Variants in TRAPPC9 observed in about 807,000 individuals in gnomAD.
The protein encoded by TRAPPC9 is trafficking protein particle complex subunit 9.
TRAPPC9 carries 83 observed loss-of-function variants against 124.0 expected under a neutral mutation model. The ratio of observed to expected loss-of-function variants is 0.67; its 90% CI spans 0.56 to 0.80. TRAPPC9 has a LOEUF of 0.80. Among genes scored for constraint, TRAPPC9 ranks in the 30% least tolerant of loss-of-function variants. The pLI is 0.00. For missense variants in TRAPPC9, 1,302 were observed against 1,508.3 expected (o/e 0.86, Z 2.27); for synonymous variants, 638 against 617.5 (o/e 1.03, Z -0.49).
Position 140,157,105 on chromosome 8 carries a change from C to CT in TRAPPC9, c.2556+64353dup, listed in dbSNP as rs751130350. On this transcript the variant is annotated intron_variant, in intron 17 of 22. Coordinates refer to ENST00000438773, the MANE Select transcript of TRAPPC9 (RefSeq NM_001160372.4). ...CTCCCTTTTCCATTCAGAAGCCTCC[C>CT]TTTCCATTCAGAAGCCTCCCTTTTC... 1.1e-3 allele frequency among the ~76,000 whole-genome samples: 102 copies of CT among 91,138 alleles called. 2 individuals carry two copies. Among genetic ancestry groups the CT allele is most frequent in the Middle Eastern group, 0.012 (2 of 162 alleles). 59.8% of individuals were successfully genotyped at this position (91,138 alleles called of 152,430 possible). A position where few individuals can be genotyped will look rare whatever the true frequency, so the allele number is the denominator to read the frequency against.
At chr8:140,312,331 C>T (rs1178675422) in intron 9 of TRAPPC9, among the ~76,000 whole-genome samples, 1 of 152,148 alleles carries the variant, frequency 6.6e-6, no homozygotes, top group Non-Finnish European at 1.5e-5. Flanking sequence ...AGGGATGACA[C>T]CTAGAACAGC....
rs993993119 is a variant in TRAPPC9, at chr8:139,732,143, C to T, written c.3115G>A (p.Asp1039Asn). 10 of 1,604,800 alleles carry T rather than the reference C, an allele frequency of 6.2e-6. No individual in the cohort carries two copies. Among genetic ancestry groups the T allele is most frequent in the African/African-American group, 1.3e-5 (1 of 74,772 alleles). Residue 1039 changes from aspartate to asparagine, a missense_variant, in exon 22 of 23, where the codon GAC becomes AAC. By Grantham distance (23) the Asp-to-Asn change is conservative. Transcript: ENST00000438773. Reference sequence around the variant, plus strand: ...AGCCGCACCTCCAGGCGCACGGGGTCGCCCACCTGGCAGGCCGCCACAGCC... The same window carrying T: ...AGCCGCACCTCCAGGCGCACGGGGTTGCCCACCTGGCAGGCCGCCACAGCC... Reference protein sequence around the residue: ...REAVAACQVGDPVRLEVRLTN... With the variant: ...REAVAACQVGNPVRLEVRLTN...
At chr8:139,977,552 A>G (rs1424478171) in intron 19 of TRAPPC9, among the ~76,000 whole-genome samples, 1 of 149,344 alleles carries the variant, frequency 6.7e-6, no homozygotes, top group Non-Finnish European at 1.5e-5. Context: ...TGGGAGGCAG[A>G]GCTTGCAGAG....
Position 139,853,473 on chromosome 8 carries a change from C to T in TRAPPC9, c.3055+32406G>A, listed in dbSNP as rs1203792599. 5.3e-5 allele frequency among the ~76,000 whole-genome samples: 8 copies of T among 152,350 alleles called. No homozygotes were observed. In the East Asian group the frequency reaches 1.5e-3, roughly 29 times the overall value. On this transcript the variant is annotated intron_variant, in intron 21 of 22. Coordinates refer to ENST00000438773, the MANE Select transcript of TRAPPC9 (RefSeq NM_001160372.4). ...AGGGACTGGGAAGAAAGGGACAGAA[C>T]TCTGTTCATCCTGAATCACCTGCAC...
At chr8:139,879,301 C>A (rs1362450383) in intron 21 of TRAPPC9, among the ~76,000 whole-genome samples, 3 of 152,170 alleles carry the variant, frequency 2.0e-5, no homozygotes, top group African/African-American at 7.2e-5. Flanking sequence ...GATTCCACTG[C>A]GCGGGATGGG....
intron 17 of TRAPPC9, among the ~76,000 whole-genome samples, chr8:140,043,192 C>G (rs1841375511): frequency 6.6e-6 from 1 of 152,242 alleles, no homozygotes; most frequent in African/African-American, 2.4e-5. Flanking sequence ...AGAATTTCTT[C>G]TTCCAGTCTA....
intron 17 of TRAPPC9, among the ~76,000 whole-genome samples, chr8:140,140,760 T>A (rs1354482349): frequency 6.6e-6 from 1 of 152,160 alleles, no homozygotes; most frequent in Non-Finnish European, 1.5e-5. Flanking sequence ...TAGTCATTCC[T>A]CAGTAAGGTG....
intron 21 of TRAPPC9, among the ~76,000 whole-genome samples, chr8:139,861,662 T>C (rs1215799322): frequency 1.3e-5 from 2 of 152,242 alleles, no homozygotes; most frequent in Non-Finnish European, 2.9e-5. Context: ...CTCTGCACTT[T>C]TCCTTCTGCC....
At chr8:139,949,054 C>T (rs1275999325) in intron 19 of TRAPPC9, among the ~76,000 whole-genome samples, 1 of 151,870 alleles carries the variant, frequency 6.6e-6, no homozygotes, top group Admixed American at 6.6e-5. Flanking sequence ...GCCTGGGAGA[C>T]ATGGTGAGAC....
chr8:139,895,933 C>T (rs1349496252), intron 20 of TRAPPC9, among the ~76,000 whole-genome samples: 1 of 152,212 alleles, frequency 6.6e-6, no homozygotes, highest in African/African-American at 2.4e-5. Context: ...ACAGGCCCGG[C>T]CAGGCTGAGA....
At chr8:139,932,108 G>A (rs1224638427) in intron 19 of TRAPPC9, 2 of 356,206 alleles carry the variant, frequency 5.6e-6, no homozygotes, top group East Asian at 1.5e-4. Context: ...AGGTGTTGAT[G>A]TGCGGCTGAG....
At chr8:140,361,139 C>T (rs1178647814) in intron 8 of TRAPPC9, among the ~76,000 whole-genome samples, 3 of 152,256 alleles carry the variant, frequency 2.0e-5, no homozygotes, top group South Asian at 2.1e-4. Context: ...CATGAAAAAA[C>T]GCATAAATGC....
chr8:140,401,814 C>T (rs906611947), intron 6 of TRAPPC9, among the ~76,000 whole-genome samples: 5 of 151,474 alleles, frequency 3.3e-5, no homozygotes, highest in East Asian at 3.9e-4. Flanking sequence ...TTTGTAGAGG[C>T]GGGGTTTTGC....
At chr8:140,006,145 G>A (rs1838732252) in intron 18 of TRAPPC9, among the ~76,000 whole-genome samples, 1 of 152,158 alleles carries the variant, frequency 6.6e-6, no homozygotes, top group East Asian at 1.9e-4. Flanking sequence ...AGGTTTAGTG[G>A]CAGATGGGAA....
intron 19 of TRAPPC9, among the ~76,000 whole-genome samples, chr8:139,974,686 C>T (rs551459544): frequency 6.6e-6 from 1 of 152,050 alleles, no homozygotes. Flanking sequence ...GTGAGGCACA[C>T]CCCAGGCTGC....
At chr8:140,287,880 G>T in intron 12 of TRAPPC9, 146 bp from the exon 13 acceptor site, 1 of 1,172,638 alleles carries the variant, frequency 8.5e-7, no homozygotes, top group African/African-American at 1.5e-5. Context: ...TTCGGAGACA[G>T]TGTACAGTGT....
chr8:140,415,214 A>G (rs1373242888), intron 5 of TRAPPC9, among the ~76,000 whole-genome samples: 1 of 151,958 alleles, frequency 6.6e-6, no homozygotes. Context: ...GTCTAAAAAT[A>G]AGAAGAAGAA....
At chr8:140,001,414 C>A (rs866425479) in intron 18 of TRAPPC9, among the ~76,000 whole-genome samples, 1 of 150,980 alleles carries the variant, frequency 6.6e-6, no homozygotes. Context: ...AAAAAGAAAC[C>A]GGACAAAGAA....
intron 20 of TRAPPC9, among the ~76,000 whole-genome samples, chr8:139,898,025 GCT>G (rs1288061235): frequency 6.6e-6 from 1 of 152,260 alleles, no homozygotes; most frequent in Non-Finnish European, 1.5e-5. Flanking sequence ...ACACAGATGT[GCT>G]CTGTGTTATT....
Sources: allele counts gnomAD v4.1 joint callset (sites outside exome capture counted in the v4.1 genomes callset), GRCh38; gene constraint gnomAD v4.1.1; transcripts MANE v1.5; gene names NCBI Gene and HGNC (gene_info 2026-07-23, HGNC 2026-07-21).